The following THSD7B variants were observed in gnomAD, a reference collection of about 807,000 sequenced individuals.
THSD7B encodes thrombospondin type-1 domain-containing protein 7B.
A neutral mutation model predicts 213.6 loss-of-function variants in THSD7B; 138 were observed. The observed-to-expected ratio is 0.65, with a 90% CI of 0.56 to 0.74. THSD7B has a LOEUF of 0.74. THSD7B is among the 30% of genes least tolerant of loss of function. The pLI is 0.00. For missense variants in THSD7B, 1,931 were observed against 1,991.5 expected (o/e 0.97, Z 0.58); for synonymous variants, 742 against 687.0 (o/e 1.08, Z -1.25).
chr2:137,445,349 C>A (rs927346431), intron 14 of THSD7B, among the ~76,000 whole-genome samples: 4 of 151,932 alleles, frequency 2.6e-5, no homozygotes, highest in Non-Finnish European at 5.9e-5. Context: ...GATATGGAAT[C>A]CACCTAAGTG....
intron 1 of THSD7B, among the ~76,000 whole-genome samples, chr2:136,863,451 A>G (rs1303188783): frequency 6.6e-6 from 1 of 152,202 alleles, no homozygotes; most frequent in Non-Finnish European, 1.5e-5. Flanking sequence ...CCAAGGGGCC[A>G]TCCAGATCCT....
chr2:137,177,939 C>A (rs185501814), intron 7 of THSD7B, among the ~76,000 whole-genome samples: 2 of 152,050 alleles, frequency 1.3e-5, no homozygotes, highest in East Asian at 3.9e-4. Flanking sequence ...GGCATGGCGG[C>A]ACATGCCTGT....
chr2:137,168,135 T>G (rs746270021), intron 6 of THSD7B, among the ~76,000 whole-genome samples: 2 of 152,136 alleles, frequency 1.3e-5, no homozygotes, highest in East Asian at 3.9e-4. Context: ...TGGTAAAGGG[T>G]GGATGTTAGT....
chr2:137,326,097 GT>G (rs1684368730), intron 12 of THSD7B, among the ~76,000 whole-genome samples: 2 of 152,174 alleles, frequency 1.3e-5, no homozygotes, highest in South Asian at 4.1e-4. Flanking sequence ...ATTGGCTTCA[GT>G]TTGGATTCTT....
intron 5 of THSD7B, among the ~76,000 whole-genome samples, chr2:137,147,070 C>G (rs980664031): frequency 1.3e-5 from 2 of 152,160 alleles, no homozygotes; most frequent in East Asian, 1.9e-4. Context: ...CTCTGCTACT[C>G]TGTTCCCAAT....
At chr2:137,045,154 A>ATAT (rs1686947641) in intron 2 of THSD7B, among the ~76,000 whole-genome samples, 3 of 152,144 alleles carry the variant, frequency 2.0e-5, no homozygotes, top group Admixed American at 2.0e-4. Flanking sequence ...TTCAGATGGT[A>ATAT]GATCTTAATA....
At chr2:137,394,668 C>A (rs1686127784) in intron 12 of THSD7B, among the ~76,000 whole-genome samples, 1 of 138,412 alleles carries the variant, frequency 7.2e-6, no homozygotes, top group South Asian at 2.5e-4. Flanking sequence ...TCCATATGAA[C>A]TTTAAAATAG....
At chr2:137,283,944 C>A (rs1683101977) in intron 12 of THSD7B, among the ~76,000 whole-genome samples, 1 of 152,032 alleles carries the variant, frequency 6.6e-6, no homozygotes, top group African/African-American at 2.4e-5. Flanking sequence ...CCCTCTTTTT[C>A]TGTTGATTGG....
intron 1 of THSD7B, among the ~76,000 whole-genome samples, chr2:136,825,405 G>T (rs1204041633): frequency 1.3e-5 from 2 of 152,134 alleles, no homozygotes; most frequent in East Asian, 3.9e-4. Flanking sequence ...AAGCTGTACT[G>T]ATTACCCTTT....
chr2:137,300,824 C>A (rs565720791), intron 12 of THSD7B, among the ~76,000 whole-genome samples: 15 of 151,936 alleles, frequency 9.9e-5, no homozygotes, highest in Admixed American at 8.5e-4. Context: ...CAAGTTTATA[C>A]GGACAAAAAG....
At chr2:136,969,100 G>T (rs1685366449) in intron 2 of THSD7B, among the ~76,000 whole-genome samples, 1 of 152,096 alleles carries the variant, frequency 6.6e-6, no homozygotes, top group African/African-American at 2.4e-5. Flanking sequence ...AGGTCTGCTT[G>T]CCATTGTAGT....
chr2:137,380,506 T>G (rs1280307136), intron 12 of THSD7B, among the ~76,000 whole-genome samples: 2 of 152,162 alleles, frequency 1.3e-5, no homozygotes, highest in Non-Finnish European at 2.9e-5. Flanking sequence ...CTGCAATAGT[T>G]GGATGAATGG....
chr2:137,639,681 C>A (rs112553114), intron 20 of THSD7B, among the ~76,000 whole-genome samples: 3,634 of 152,220 alleles, frequency 0.024, 146 homozygotes, highest in African/African-American at 0.083. Flanking sequence ...CTGCCCAAGA[C>A]CATGGCAACC....
chr2:136,930,826 T>C (rs1048532731), intron 2 of THSD7B, among the ~76,000 whole-genome samples: 1 of 149,666 alleles, frequency 6.7e-6, no homozygotes, highest in Non-Finnish European at 1.5e-5. Context: ...AAATAGGAAA[T>C]AATCAATTAT....
chr2:137,582,343 CTT>C (rs1224972879), intron 17 of THSD7B, among the ~76,000 whole-genome samples: 1 of 151,712 alleles, frequency 6.6e-6, no homozygotes, highest in African/African-American at 2.4e-5. Context: ...AGTTATTTGA[CTT>C]TTTTATTATT....
At chr2:137,088,247 TA>T (rs570940668) in intron 3 of THSD7B, among the ~76,000 whole-genome samples, 21 of 141,406 alleles carry the variant, frequency 1.5e-4, no homozygotes, top group African/African-American at 3.4e-4. Context: ...CTCAAAAAAA[TA>T]AAAAAAAAAT....
intron 2 of THSD7B, among the ~76,000 whole-genome samples, chr2:136,987,291 T>C (rs1186369958): frequency 6.6e-6 from 1 of 152,216 alleles, no homozygotes; most frequent in Non-Finnish European, 1.5e-5. Flanking sequence ...ATGCCTTATA[T>C]GGGAAAGTAT....
At chr2:137,167,060 T>A (rs1334274396) in intron 6 of THSD7B, among the ~76,000 whole-genome samples, 1 of 152,148 alleles carries the variant, frequency 6.6e-6, no homozygotes, top group East Asian at 1.9e-4. Context: ...ATGCTCAGAT[T>A]CTTTCACTCA....
chr2:137,115,154 A>G lies in THSD7B; in HGVS notation c.1230A>G (p.Glu410=). ...RYSWRTSEWK[E]CQVSLLLEQQ... ...CCTGGAGAACTTCTGAATGGAAAGA[A>G]TGCCAAGTCTCTCTCCTCCTCGAGC... Residue 410 remains glutamate (E), a synonymous_variant, in exon 5 of 28, where the codon GAA becomes GAG. Transcript: ENST00000409968. 1 of 1,613,980 alleles carries G rather than the reference A, an allele frequency of 6.2e-7. No individual in the cohort carries two copies. The highest frequency in any genetic ancestry group is 8.5e-7 in the Non-Finnish European group (1 of 1,179,892).
Sources: allele counts gnomAD v4.1 joint callset (sites outside exome capture counted in the v4.1 genomes callset), GRCh38; gene constraint gnomAD v4.1.1; transcripts MANE v1.5; gene names NCBI Gene and HGNC (gene_info 2026-07-23, HGNC 2026-07-21).